Variants in CFAP299 observed in about 807,000 individuals in gnomAD.
The protein encoded by CFAP299 is cilia- and flagella-associated protein 299.
A neutral mutation model predicts 27.0 loss-of-function variants in CFAP299; 21 were observed. That is an observed-to-expected ratio of 0.78 (90% CI 0.55 to 1.12). CFAP299 has a LOEUF of 1.12. Ranked by LOEUF, CFAP299 falls within the 50% of genes most tolerant of loss-of-function variation. CFAP299 has a pLI of 0.00. For synonymous variants in CFAP299, 104 were observed against 98.1 expected (o/e 1.06, Z -0.36); for missense variants, 310 against 276.6 (o/e 1.12, Z -0.86).
chr4:80,537,561 T>G (rs963270631), intron 2 of CFAP299, among the ~76,000 whole-genome samples: 1 of 152,140 alleles, frequency 6.6e-6, no homozygotes, highest in Non-Finnish European at 1.5e-5. Flanking sequence ...AAGGGCATTA[T>G]GTTAAGTGAA....
intron 2 of CFAP299, among the ~76,000 whole-genome samples, chr4:80,528,743 A>T (rs1242401144): frequency 6.6e-6 from 1 of 152,120 alleles, no homozygotes; most frequent in African/African-American, 2.4e-5. Context: ...ATTATATCCT[A>T]AATTAAAATC....
chr4:80,822,877 A>T (rs1009937370), intron 3 of CFAP299, among the ~76,000 whole-genome samples: 7 of 152,140 alleles, frequency 4.6e-5, no homozygotes, highest in African/African-American at 1.7e-4. Context: ...TGGTTGAGTG[A>T]TTCTAGCATA....
intron 3 of CFAP299, among the ~76,000 whole-genome samples, chr4:80,600,388 G>A (rs1436162209): frequency 2.0e-5 from 3 of 151,944 alleles, no homozygotes; most frequent in Non-Finnish European, 4.4e-5. Context: ...GTCACTTTTT[G>A]GAATCACTTC....
chr4:80,950,723 G>A (rs1462647458), intron 5 of CFAP299, among the ~76,000 whole-genome samples: 3 of 152,278 alleles, frequency 2.0e-5, no homozygotes, highest in East Asian at 3.9e-4. Flanking sequence ...GGAAGCTTTA[G>A]AATATATGAT....
chr4:80,885,440 A>G (rs1169648655), intron 4 of CFAP299, among the ~76,000 whole-genome samples: 1 of 152,182 alleles, frequency 6.6e-6, no homozygotes. Flanking sequence ...TGGGCAGTGC[A>G]GCTCACAGCA....
At chr4:80,683,749 GGA>G (rs1480376159) in intron 3 of CFAP299, among the ~76,000 whole-genome samples, 1 of 152,078 alleles carries the variant, frequency 6.6e-6, no homozygotes, top group Non-Finnish European at 1.5e-5. Context: ...TTGTGTTTCT[GGA>G]GATATAATTG....
At chr4:80,653,011 T>C (rs1300341877) in intron 3 of CFAP299, among the ~76,000 whole-genome samples, 1 of 152,124 alleles carries the variant, frequency 6.6e-6, no homozygotes, top group Non-Finnish European at 1.5e-5. Context: ...TCCCCTCCTC[T>C]TGTATTTCTC....
intron 3 of CFAP299, among the ~76,000 whole-genome samples, chr4:80,832,227 T>G (rs1730335301): frequency 1.3e-5 from 2 of 152,108 alleles, no homozygotes; most frequent in South Asian, 4.1e-4. Flanking sequence ...ACTACATAAC[T>G]CCAGAGGGTA....
intron 3 of CFAP299, among the ~76,000 whole-genome samples, chr4:80,646,879 G>A (rs1381265927): frequency 6.6e-6 from 1 of 151,972 alleles, no homozygotes; most frequent in Admixed American, 6.6e-5. Context: ...GTTTTAGAAC[G>A]TATTCTTCGA....
At chr4:80,523,462 A>G (rs371986151) in intron 2 of CFAP299, among the ~76,000 whole-genome samples, 3 of 152,144 alleles carry the variant, frequency 2.0e-5, no homozygotes, top group Admixed American at 1.3e-4. Context: ...TTATATATCA[A>G]CTTGATTGGG....
At chr4:80,713,447 A>T (rs959409552) in intron 3 of CFAP299, among the ~76,000 whole-genome samples, 3 of 152,224 alleles carry the variant, frequency 2.0e-5, no homozygotes, top group African/African-American at 7.2e-5. Flanking sequence ...CATATTCCAT[A>T]GAAAATAAAT....
chr4:80,331,298 T>C (rs1398699152), upstream of CFAP299, among the ~76,000 whole-genome samples: 1 of 152,164 alleles, frequency 6.6e-6, no homozygotes, highest in Non-Finnish European at 1.5e-5. Context: ...TTGTAAGCCA[T>C]GTCAAAAAGA....
At chr4:80,854,297 C>T (rs931082059) in intron 3 of CFAP299, among the ~76,000 whole-genome samples, 2 of 152,030 alleles carry the variant, frequency 1.3e-5, no homozygotes, top group African/African-American at 2.4e-5. Flanking sequence ...GCTATTTCAG[C>T]AGAGTGCTGC....
chr4:80,461,697 G>T (rs1401451380), intron 2 of CFAP299, among the ~76,000 whole-genome samples: 1 of 152,074 alleles, frequency 6.6e-6, no homozygotes, highest in Non-Finnish European at 1.5e-5. Context: ...GAGGTGCTTA[G>T]AATGTTATTT....
intron 4 of CFAP299, among the ~76,000 whole-genome samples, chr4:80,880,649 C>T (rs11727623): frequency 0.056 from 8,563 of 152,080 alleles, 683 homozygotes; most frequent in African/African-American, 0.17. Flanking sequence ...TCACTTGAAC[C>T]CAGGAGGCGG....
intron 3 of CFAP299, among the ~76,000 whole-genome samples, chr4:80,663,974 A>G (rs79562929): frequency 0.034 from 5,102 of 151,886 alleles, 253 homozygotes; most frequent in East Asian, 0.23. Context: ...CCACTTTTTG[A>G]TAAGTCGTTT....
intron 4 of CFAP299, among the ~76,000 whole-genome samples, chr4:80,891,833 A>AG (rs1734316379): frequency 1.7e-5 from 2 of 117,670 alleles, no homozygotes; most frequent in Non-Finnish European, 3.2e-5. Context: ...ATTAAAGGAA[A>AG]AAAAAAAAAA....
chr4:80,577,676 C>T (rs1735940945), intron 2 of CFAP299, among the ~76,000 whole-genome samples: 1 of 152,132 alleles, frequency 6.6e-6, no homozygotes, highest in Admixed American at 6.6e-5. Context: ...GCTGGGATTA[C>T]AGGCATGAGC....
At chr4:80,608,436 C>T in intron 3 of CFAP299, 1 of 1,165,048 alleles carries the variant, frequency 8.6e-7, no homozygotes, top group South Asian at 1.3e-5. Flanking sequence ...AACATTTTGG[C>T]TTCATCCTAC....
Sources: allele counts gnomAD v4.1 joint callset (sites outside exome capture counted in the v4.1 genomes callset), GRCh38; gene constraint gnomAD v4.1.1; transcripts MANE v1.5; gene names NCBI Gene and HGNC (gene_info 2026-07-23, HGNC 2026-07-21).